SNX10: variants seen among roughly 807,000 people sequenced by gnomAD.
SNX10 encodes the protein sorting nexin-10.
A neutral mutation model predicts 28.5 loss-of-function variants in SNX10; 25 were observed. The ratio of observed to expected loss-of-function variants is 0.88; its 90% CI spans 0.64 to 1.22. The LOEUF (loss-of-function observed/expected upper bound fraction) is 1.22, where lower values mean the gene tolerates loss of function less well. Ranked by LOEUF, SNX10 falls within the 50% of genes most tolerant of loss-of-function variation. SNX10 has a pLI of 0.00. For synonymous variants in SNX10, 62 were observed against 81.4 expected, an observed-to-expected ratio of 0.76 and a Z score of 1.28; for missense variants, 223 against 242.6, an observed-to-expected ratio of 0.92 and a Z score of 0.54.
intron 3 of SNX10, among the ~76,000 whole-genome samples, chr7:26,361,492 A>G (rs1789066682): frequency 6.6e-6 from 1 of 152,214 alleles, no homozygotes; most frequent in Non-Finnish European, 1.5e-5. Flanking sequence ...AAGGTGGGAA[A>G]TGGATATGTG....
intron 1 of SNX10, among the ~76,000 whole-genome samples, chr7:26,324,561 A>T (rs12531745): frequency 6.6e-6 from 1 of 151,972 alleles, no homozygotes; most frequent in African/African-American, 2.4e-5. Flanking sequence ...AGGCCTCACT[A>T]TGTTGCCCAG....
intron 1 of SNX10, among the ~76,000 whole-genome samples, chr7:26,296,003 C>T (rs772471291): frequency 6.6e-5 from 10 of 152,160 alleles, no homozygotes; most frequent in Admixed American, 1.3e-4. Context: ...GGTGTGGTGG[C>T]GCATGCCTGT....
At chr7:26,363,027 C>T (rs1366335418) in intron 3 of SNX10, among the ~76,000 whole-genome samples, 4 of 152,128 alleles carry the variant, frequency 2.6e-5, no homozygotes, top group Admixed American at 6.5e-5. Flanking sequence ...GTCTGGGATT[C>T]TTTAGGGAGA....
At chr7:26,313,892 C>T (rs1389968833) in intron 1 of SNX10, among the ~76,000 whole-genome samples, 3 of 151,978 alleles carry the variant, frequency 2.0e-5, no homozygotes, top group African/African-American at 4.8e-5. Context: ...CTGCAACCTC[C>T]GCTTCCTGGG....
At chr7:26,352,229 T>C (rs1376351257) in intron 2 of SNX10, among the ~76,000 whole-genome samples, 1 of 152,022 alleles carries the variant, frequency 6.6e-6, no homozygotes, top group African/African-American at 2.4e-5. Context: ...ATAAACAAAA[T>C]AGTATTTATA....
chr7:26,370,870 T>A (rs1789500591), intron 5 of SNX10: 2 of 152,196 alleles, frequency 1.3e-5, no homozygotes. Context: ...TCTTACATAA[T>A]TATTGAACTA....
chr7:26,356,464 A>T (rs756521524), intron 2 of SNX10, among the ~76,000 whole-genome samples: 30 of 152,172 alleles, frequency 2.0e-4, no homozygotes, highest in Admixed American at 5.9e-4. Flanking sequence ...GATGGCGGGC[A>T]GTGTCGTGAG....
intron 1 of SNX10, among the ~76,000 whole-genome samples, chr7:26,326,529 T>C (rs1002490981): frequency 6.6e-6 from 1 of 152,190 alleles, no homozygotes; most frequent in Admixed American, 6.5e-5. Context: ...CCTTCATTAA[T>C]GCAATGAAAG....
At chr7:26,361,100 C>CTTTTATGGGATACA in intron 3 of SNX10, 39 bp downstream of exon 3, 1 of 1,543,010 alleles carries the variant, frequency 6.5e-7, no homozygotes, top group Non-Finnish European at 8.7e-7. Context: ...TTTTGAGGGA[C>CTTTTATGGGATACA]TTTTATGGGA....
intron 1 of SNX10, among the ~76,000 whole-genome samples, chr7:26,295,761 G>A (rs1052084004): frequency 2.0e-5 from 3 of 152,208 alleles, no homozygotes; most frequent in African/African-American, 7.2e-5. Flanking sequence ...ATACGACATC[G>A]TTTGGCATGT....
At chr7:26,338,261 C>A (rs1367168608) in intron 1 of SNX10, among the ~76,000 whole-genome samples, 1 of 151,936 alleles carries the variant, frequency 6.6e-6, no homozygotes, top group Non-Finnish European at 1.5e-5. Flanking sequence ...GGATTTCAGG[C>A]ACATGCCACC....
At chr7:26,307,788 A>G (rs1291827156) in intron 1 of SNX10, among the ~76,000 whole-genome samples, 2 of 151,948 alleles carry the variant, frequency 1.3e-5, no homozygotes, top group African/African-American at 4.8e-5. Context: ...CCCATTATCA[A>G]CATCAGCACC....
intron 2 of SNX10, among the ~76,000 whole-genome samples, chr7:26,355,868 G>A (rs1788798886): frequency 6.6e-6 from 1 of 152,126 alleles, no homozygotes; most frequent in Non-Finnish European, 1.5e-5. Flanking sequence ...TTTGACTTTG[G>A]GCCAGTTGCT....
At chr7:26,294,623 A>G (rs1344503061) in intron 1 of SNX10, among the ~76,000 whole-genome samples, 1 of 152,204 alleles carries the variant, frequency 6.6e-6, no homozygotes, top group Admixed American at 6.5e-5. Flanking sequence ...TGGGGAAACT[A>G]AGCCATCAGA....
At chr7:26,360,788 A>C in intron 2 of SNX10, 187 bp from the exon 3 acceptor site, 1 of 983,970 alleles carries the variant, frequency 1.0e-6, no homozygotes, top group South Asian at 4.7e-5. Flanking sequence ...TATGTGGCAA[A>C]AGTGTGTTCT....
chr7:26,337,372 T>C (rs1396043636), intron 1 of SNX10, among the ~76,000 whole-genome samples: 1 of 152,268 alleles, frequency 6.6e-6, no homozygotes, highest in Non-Finnish European at 1.5e-5. Flanking sequence ...GTATTCACAT[T>C]GTTGTACAAT....
intron 1 of SNX10, among the ~76,000 whole-genome samples, chr7:26,324,373 T>C (rs1787422966): frequency 6.6e-6 from 1 of 152,206 alleles, no homozygotes; most frequent in African/African-American, 2.4e-5. Flanking sequence ...TGACACTTTG[T>C]TTCTGAGGCA....
At position 26,324,259 on chromosome 7, in the gene SNX10, A is replaced by C. The variant is rs146769038; in HGVS notation, c.-23-22161A>C. On this transcript the variant is annotated intron_variant, in intron 1 of 6. Coordinates refer to ENST00000338523, the MANE Select transcript of SNX10 (RefSeq NM_013322.3). Reference sequence around the variant, plus strand: ...GCTTATGATTATATCAATTAAAAAAATGTGTGTGAGAAAAAAACCGTAAGG... The same window carrying C: ...GCTTATGATTATATCAATTAAAAAACTGTGTGTGAGAAAAAAACCGTAAGG... 1.1e-4 allele frequency among the ~76,000 whole-genome samples: 16 copies of C among 140,314 alleles called. No individual in the cohort carries two copies. In the East Asian group the frequency reaches 2.6e-3, roughly 22 times the overall value. The allele number at this position is 140,314 out of a possible 152,430, so 92.1% of individuals were successfully genotyped here.
intron 1 of SNX10, among the ~76,000 whole-genome samples, chr7:26,335,380 A>G (rs557579958): frequency 1.3e-5 from 2 of 152,190 alleles, no homozygotes; most frequent in Non-Finnish European, 2.9e-5. Flanking sequence ...AAATGTAGTA[A>G]TATTTCCTAG....
Sources: allele counts gnomAD v4.1 joint callset (sites outside exome capture counted in the v4.1 genomes callset), GRCh38; gene constraint gnomAD v4.1.1; transcripts MANE v1.5; gene names NCBI Gene and HGNC (gene_info 2026-07-23, HGNC 2026-07-21).